ATP8A1: variants seen among roughly 807,000 people sequenced by gnomAD.
ATP8A1 encodes phospholipid-transporting ATPase IA.
A neutral mutation model predicts 177.7 loss-of-function variants in ATP8A1; 90 were observed. That is an observed-to-expected ratio of 0.51 (90% CI 0.43 to 0.60). The LOEUF (loss-of-function observed/expected upper bound fraction) is 0.60, where lower values mean the gene tolerates loss of function less well. Among genes scored for constraint, ATP8A1 ranks in the 20% least tolerant of loss-of-function variants. ATP8A1 has a pLI of 0.00. For missense variants in ATP8A1, 1,072 were observed against 1,392.8 expected, an observed-to-expected ratio of 0.77 and a Z score of 3.67; for synonymous variants, 493 against 485.9, an observed-to-expected ratio of 1.01 and a Z score of -0.19.
intron 20 of ATP8A1, among the ~76,000 whole-genome samples, chr4:42,538,339 C>G (rs182380784): frequency 6.6e-6 from 1 of 152,126 alleles, no homozygotes; most frequent in Non-Finnish European, 1.5e-5. Flanking sequence ...CAGAAAAACC[C>G]TTCTGGACAC....
At chr4:42,451,263 A>G (rs892376453) in intron 30 of ATP8A1, among the ~76,000 whole-genome samples, 4 of 152,102 alleles carry the variant, frequency 2.6e-5, no homozygotes, top group Admixed American at 1.3e-4. Context: ...CTTATAAAGG[A>G]CTGACAATTC....
intron 25 of ATP8A1, among the ~76,000 whole-genome samples, chr4:42,475,638 T>C (rs1458169020): frequency 6.6e-6 from 1 of 152,164 alleles, no homozygotes; most frequent in East Asian, 1.9e-4. Flanking sequence ...GAAAATTAGA[T>C]ATAATTTATA....
intron 27 of ATP8A1, among the ~76,000 whole-genome samples, chr4:42,460,187 C>T (rs1042617392): frequency 1.3e-5 from 2 of 152,060 alleles, no homozygotes; most frequent in Non-Finnish European, 2.9e-5. Context: ...ATTTTACTAG[C>T]CTGACTCATA....
intron 30 of ATP8A1, among the ~76,000 whole-genome samples, chr4:42,450,149 G>C (rs536321934): frequency 6.6e-6 from 1 of 152,228 alleles, no homozygotes; most frequent in East Asian, 1.9e-4. Context: ...AAAAAATGTG[G>C]CATATCTATA....
intron 15 of ATP8A1, among the ~76,000 whole-genome samples, chr4:42,562,601 A>G (rs1052395116): frequency 6.6e-6 from 1 of 152,236 alleles, no homozygotes; most frequent in African/African-American, 2.4e-5. Flanking sequence ...GGTTTTGACC[A>G]AAGTAATGAG....
intron 24 of ATP8A1, among the ~76,000 whole-genome samples, chr4:42,500,440 A>G (rs1029972296): frequency 6.6e-6 from 1 of 152,176 alleles, no homozygotes; most frequent in African/African-American, 2.4e-5. Flanking sequence ...TGAGAACACA[A>G]TCAGAACTCC....
intron 5 of ATP8A1, 41 bp downstream of exon 5, chr4:42,615,992 A>G (rs550458293): frequency 6.5e-7 from 1 of 1,548,364 alleles, no homozygotes; most frequent in African/African-American, 1.4e-5. Context: ...TACTACAAGT[A>G]GGTTTGACAA....
intron 6 of ATP8A1, among the ~76,000 whole-genome samples, chr4:42,597,650 T>G (rs1243259253): frequency 6.6e-6 from 1 of 152,236 alleles, no homozygotes; most frequent in African/African-American, 2.4e-5. Flanking sequence ...CATTTCCATA[T>G]GTTCTAGTTT....
intron 31 of ATP8A1, 22 bp downstream of exon 31, chr4:42,446,561 G>A (rs1397347219): frequency 3.1e-6 from 5 of 1,609,546 alleles, no homozygotes; most frequent in East Asian, 2.2e-5. Context: ...ACACGCAAAC[G>A]AGACCGACAT....
chr4:42,574,568 T>C (rs111251254), intron 14 of ATP8A1, 51 bp downstream of exon 14: 16 of 1,435,416 alleles, frequency 1.1e-5, no homozygotes, highest in Non-Finnish European at 1.9e-6. Flanking sequence ...ACCAAACTGT[T>C]AGCACTAATT....
rs753741573 is a variant in ATP8A1, at chr4:42,522,136, T to A, written c.1947+24A>T. On this transcript the variant is annotated intron_variant, in intron 22 of 36. Coordinates refer to ENST00000381668, the MANE Select transcript of ATP8A1 (RefSeq NM_006095.2). ...CTATCTGGAAACCAAACCCTCTGTA[T>A]GATCAACAGAATCATCCACGTACCT... The A allele has an allele frequency of 2.5e-6, 4 of 1,588,236 alleles. No homozygotes were observed. The African/African-American group carries it at 4.1e-5, about 16-fold the overall frequency.
chr4:42,477,089 G>A (rs748785225), intron 25 of ATP8A1, among the ~76,000 whole-genome samples: 4 of 152,024 alleles, frequency 2.6e-5, no homozygotes, highest in Non-Finnish European at 5.9e-5. Context: ...GTGAAGGCTG[G>A]GATTATTTTT....
At chr4:42,587,514 G>T (rs547345192) in intron 8 of ATP8A1, among the ~76,000 whole-genome samples, 5 of 151,692 alleles carry the variant, frequency 3.3e-5, no homozygotes, top group African/African-American at 1.2e-4. Context: ...CACCATGTTG[G>T]TCAGGCTGGT....
chr4:42,603,494 CT>C (rs1364253947), intron 5 of ATP8A1, among the ~76,000 whole-genome samples: 1 of 152,002 alleles, frequency 6.6e-6, no homozygotes, highest in Non-Finnish European at 1.5e-5. Flanking sequence ...TGTAGCAATG[CT>C]TTTGATGCAA....
chr4:42,551,047 T>C, intron 18 of ATP8A1, 151 bp downstream of exon 18: 3 of 625,792 alleles, frequency 4.8e-6, no homozygotes, highest in Non-Finnish European at 8.6e-6. Context: ...GATGTATAAA[T>C]GCCTAAAGAA....
chr4:42,461,566 C>A (rs1437872461), intron 27 of ATP8A1, among the ~76,000 whole-genome samples: 1 of 152,188 alleles, frequency 6.6e-6, no homozygotes, highest in African/African-American at 2.4e-5. Flanking sequence ...CATCCCCAGC[C>A]ATGTGGAACT....
intron 15 of ATP8A1, among the ~76,000 whole-genome samples, chr4:42,563,069 A>T (rs1162398478): frequency 6.6e-6 from 1 of 152,246 alleles, no homozygotes; most frequent in African/African-American, 2.4e-5. Context: ...GCAGAGGTTG[A>T]AACAGTTTGG....
At chr4:42,469,915 C>T (rs1720204903) in intron 25 of ATP8A1, among the ~76,000 whole-genome samples, 1 of 152,216 alleles carries the variant, frequency 6.6e-6, no homozygotes, top group Non-Finnish European at 1.5e-5. Flanking sequence ...AAAAAAATCA[C>T]ATATCCATGG....
At chr4:42,610,783 C>T (rs1293938489) in intron 5 of ATP8A1, among the ~76,000 whole-genome samples, 1 of 152,094 alleles carries the variant, frequency 6.6e-6, no homozygotes, top group Non-Finnish European at 1.5e-5. Context: ...CATAAATATG[C>T]TTAATTTTAA....
Sources: gnomAD v4.1 joint callset for allele counts (sites outside exome capture counted in the v4.1 genomes callset) on GRCh38, gnomAD v4.1.1 for gene constraint, MANE v1.5 for transcripts, NCBI Gene and HGNC (gene_info 2026-07-23, HGNC 2026-07-21) for gene names.